COBL: variants seen among roughly 807,000 people sequenced by gnomAD.
COBL encodes cordon-bleu WH2 repeat protein.
Under a neutral mutation model 98.8 loss-of-function variants are expected in COBL, and 51 were observed. That is an observed-to-expected ratio of 0.52 (90% CI 0.41 to 0.65). COBL has a LOEUF of 0.65. COBL is among the 30% of genes least tolerant of loss of function. COBL has a pLI of 0.00. For synonymous variants in COBL, 634 were observed against 651.7 expected (o/e 0.97, Z 0.41); for missense variants, 1,617 against 1,617.5 (o/e 1.00, Z 0.01).
At chr7:51,078,394 A>G (rs1451371517) in intron 7 of COBL, among the ~76,000 whole-genome samples, 2 of 152,198 alleles carry the variant, frequency 1.3e-5, no homozygotes, top group African/African-American at 4.8e-5. Context: ...GCTGACCCCA[A>G]AGATGATACA....
chr7:51,193,631 C>A, intron 2 of COBL, 42 bp from the exon 3 acceptor site: 1 of 1,566,168 alleles, frequency 6.4e-7, no homozygotes, highest in South Asian at 1.1e-5. Context: ...GGAATGACTG[C>A]ACTCTCTCTT....
intron 6 of COBL, among the ~76,000 whole-genome samples, chr7:51,114,648 G>T (rs370765059): frequency 6.6e-6 from 1 of 152,026 alleles, no homozygotes; most frequent in Non-Finnish European, 1.5e-5. Flanking sequence ...TTTGCAATAG[G>T]GGTCCCTTGC....
At chr7:51,289,661 C>T (rs112441045) in intron 1 of COBL, among the ~76,000 whole-genome samples, 1,640 of 152,318 alleles carry the variant, frequency 0.011, 24 homozygotes, top group African/African-American at 0.037. Context: ...ACAATGTCTG[C>T]AAATTATATG....
chr7:51,309,487 T>C (rs566624635), intron 1 of COBL, among the ~76,000 whole-genome samples: 28 of 152,288 alleles, frequency 1.8e-4, no homozygotes, highest in African/African-American at 6.7e-4. Flanking sequence ...CTCCCAAATC[T>C]GCACCGAACT....
chr7:51,090,770 G>T (rs1013821026), intron 6 of COBL, among the ~76,000 whole-genome samples: 1 of 152,218 alleles, frequency 6.6e-6, no homozygotes, highest in Non-Finnish European at 1.5e-5. Context: ...CTTGTTCAGG[G>T]ACTGATTTCT....
chr7:51,160,970 C>T (rs183442374), intron 5 of COBL, among the ~76,000 whole-genome samples: 7 of 151,704 alleles, frequency 4.6e-5, no homozygotes, highest in East Asian at 1.9e-4. Context: ...GTGGCGCAAT[C>T]GAGGCTCACT....
rs898942177 is a variant in COBL, at chr7:51,100,712, C to T, written c.958-15408G>A. On this transcript the variant is annotated intron_variant, in intron 6 of 12. Coordinates refer to ENST00000265136, the MANE Select transcript of COBL (RefSeq NM_015198.5). ...GGTCAGGAGTTTGAGACCAGCCTGACCAACATGGTGAAACCCCATCTCTAC... is the reference window on the plus strand; with the variant it reads ...GGTCAGGAGTTTGAGACCAGCCTGATCAACATGGTGAAACCCCATCTCTAC... 2.0e-5 allele frequency among the ~76,000 whole-genome samples: 3 copies of T among 152,196 alleles called. No individual in the cohort carries two copies. The South Asian group carries it at 6.2e-4, about 32-fold the overall frequency.
chr7:51,238,537 A>G (rs1387729683), intron 1 of COBL, among the ~76,000 whole-genome samples: 1 of 152,192 alleles, frequency 6.6e-6, no homozygotes, highest in African/African-American at 2.4e-5. Context: ...CAAAATTGTC[A>G]GAGGCCTCCG....
chr7:51,303,323 G>A (rs1303972552), intron 1 of COBL, among the ~76,000 whole-genome samples: 1 of 152,160 alleles, frequency 6.6e-6, no homozygotes, highest in African/African-American at 2.4e-5. Context: ...CCCTCTGGGA[G>A]GCCAAGGCGG....
chr7:51,028,952 G>T lies in COBL; in HGVS notation c.2144C>A (p.Ser715Ter), dbSNP rs1562815155. The T allele has an allele frequency of 3.7e-6, 6 of 1,614,194 alleles. No individual in the cohort carries two copies. Among genetic ancestry groups the T allele is most frequent in the Non-Finnish European group, 5.1e-6 (6 of 1,180,046 alleles). ...LTTYKIIPPK[S>*]EMRCYDRDVS... is the part of the protein sequence containing the mutation. ...ATCTCTGTCGTAACATCGCATCTCT[G>T]ACTTTGGAGGAATGATTTTATACGT... Residue 715 changes from serine to a stop codon, truncating the protein, a stop_gained, in exon 10 of 13, where the codon TCA becomes TAA. Coordinates refer to ENST00000265136, the MANE Select transcript of COBL (RefSeq NM_015198.5). LOFTEE classifies it high-confidence loss of function.
intron 7 of COBL, among the ~76,000 whole-genome samples, chr7:51,084,759 TG>T (rs1186387393): frequency 6.6e-6 from 1 of 152,166 alleles, no homozygotes; most frequent in African/African-American, 2.4e-5. Context: ...GATGTCAACT[TG>T]TCTATACATC....
At chr7:51,212,912 G>C (rs1792594846) in intron 2 of COBL, among the ~76,000 whole-genome samples, 1 of 152,190 alleles carries the variant, frequency 6.6e-6, no homozygotes, top group South Asian at 2.1e-4. Context: ...TTTGAGAATT[G>C]CTAGACTCTA....
At chr7:51,187,600 C>A (rs1243489397) in intron 4 of COBL, among the ~76,000 whole-genome samples, 1 of 152,098 alleles carries the variant, frequency 6.6e-6, no homozygotes, top group East Asian at 1.9e-4. Flanking sequence ...GCCTTTCCTG[C>A]GCACACCACT....
At chr7:51,051,041 T>C (rs1339822212) in intron 7 of COBL, among the ~76,000 whole-genome samples, 1 of 152,224 alleles carries the variant, frequency 6.6e-6, no homozygotes, top group Non-Finnish European at 1.5e-5. Context: ...TTATTTGGAT[T>C]ATACACTTGA....
At chr7:51,269,234 G>T (rs1196219423) in intron 1 of COBL, among the ~76,000 whole-genome samples, 1 of 152,162 alleles carries the variant, frequency 6.6e-6, no homozygotes, top group Non-Finnish European at 1.5e-5. Context: ...CATGTGTTGG[G>T]GATCTTTTCC....
chr7:51,315,651 C>G (rs1283403414), intron 1 of COBL, among the ~76,000 whole-genome samples: 1 of 152,188 alleles, frequency 6.6e-6, no homozygotes, highest in African/African-American at 2.4e-5. Flanking sequence ...GCGCGCCGCG[C>G]TGAAAACTAC....
intron 1 of COBL, among the ~76,000 whole-genome samples, chr7:51,292,272 T>C (rs1425531811): frequency 6.6e-6 from 1 of 152,220 alleles, no homozygotes; most frequent in Non-Finnish European, 1.5e-5. Flanking sequence ...TCCATGTCCA[T>C]TTTGTCATTT....
At chr7:51,263,328 G>A (rs773774463) in intron 1 of COBL, among the ~76,000 whole-genome samples, 34 of 152,220 alleles carry the variant, frequency 2.2e-4, no homozygotes, top group Admixed American at 6.5e-4. Flanking sequence ...ACTCCCACGT[G>A]TGAGAAGGAG....
chr7:51,314,046 A>G (rs1357703331), intron 1 of COBL, among the ~76,000 whole-genome samples: 1 of 152,256 alleles, frequency 6.6e-6, no homozygotes, highest in Admixed American at 6.5e-5. Context: ...CAATCCAAGT[A>G]AAAACGTATA....
Sources: gnomAD v4.1 joint callset for allele counts (sites outside exome capture counted in the v4.1 genomes callset) on GRCh38, gnomAD v4.1.1 for gene constraint, MANE v1.5 for transcripts, NCBI Gene and HGNC (gene_info 2026-07-23, HGNC 2026-07-21) for gene names.